RFFL: variants seen among roughly 807,000 people sequenced by gnomAD.
RFFL encodes E3 ubiquitin-protein ligase rififylin.
In RFFL, 16 loss-of-function variants were observed where a neutral mutation model predicts 40.4. The observed-to-expected ratio is 0.40, with a 90% CI of 0.27 to 0.60. The LOEUF (loss-of-function observed/expected upper bound fraction) is 0.60. RFFL is among the 20% of genes least tolerant of loss of function. The probability of loss-of-function intolerance (pLI) is 0.47; values close to 1 mark genes in which losing one functional copy is unlikely to be tolerated. For missense variants in RFFL, 367 were observed against 451.7 expected (o/e 0.81, Z 1.70); for synonymous variants, 154 against 167.9 (o/e 0.92, Z 0.64).
Position 35,007,758 on chromosome 17 carries a change from C to T in RFFL, c.*4210G>A, listed in dbSNP as rs2090905663. The stretch of plus-strand genomic sequence containing the variant: ...AACCTTTTTTTTTTTTTTAAACAGA[C>T]TCTTGCTCTGTCATTCAGGCTGGAG... On this transcript the variant is annotated 3_prime_UTR_variant, in exon 7 of 7. Coordinates refer to ENST00000394597, the MANE Select transcript of RFFL (RefSeq NM_001017368.2). 1 of 149,884 alleles carries T rather than the reference C, an allele frequency of 6.7e-6. No homozygotes were observed. The highest frequency in any genetic ancestry group is 2.1e-4 in the South Asian group (1 of 4,710). The allele number at this position is 149,884 out of a possible 1,614,324, so 9.3% of individuals were successfully genotyped here. A position where few individuals can be genotyped will look rare whatever the true frequency, so the allele number is the denominator to read the frequency against.
chr17:35,036,833 C>A (rs1373114053), intron 1 of RFFL, among the ~76,000 whole-genome samples: 1 of 152,198 alleles, frequency 6.6e-6, no homozygotes, highest in African/African-American at 2.4e-5. Context: ...AACACTTCTC[C>A]GCTTGTTCAC....
In RFFL at chr17:35,051,597, T is replaced by C. The variant is rs182150323; in HGVS notation, c.-9+11979A>G. On this transcript the variant is annotated intron_variant, in intron 1 of 6. Transcript: ENST00000394597. Reference sequence around the variant, plus strand: ...TTTCTGGATTTCCCATGCTTCGTACTGACATCTGACTTAAGCAATAAAAAC... The same window carrying C: ...TTTCTGGATTTCCCATGCTTCGTACCGACATCTGACTTAAGCAATAAAAAC... Among the ~76,000 whole-genome samples, 270 of 152,352 alleles carry C rather than the reference T, an allele frequency of 1.8e-3. 2 individuals carry two copies. The highest frequency in any genetic ancestry group is 6.3e-3 in the African/African-American group (263 of 41,574).
chr17:35,031,865 G>T (rs2091085256), intron 1 of RFFL, among the ~76,000 whole-genome samples: 1 of 152,024 alleles, frequency 6.6e-6, no homozygotes, highest in African/African-American at 2.4e-5. Flanking sequence ...GCAGGCCGAG[G>T]CAGGAGGATC....
intron 6 of RFFL, among the ~76,000 whole-genome samples, chr17:35,013,896 T>C (rs574829143): frequency 2.6e-5 from 4 of 152,196 alleles, no homozygotes; most frequent in African/African-American, 9.6e-5. Context: ...TTTTGGGGAA[T>C]TGAGAAAAGC....
intron 1 of RFFL, among the ~76,000 whole-genome samples, chr17:35,076,214 G>A (rs952694723): frequency 2.0e-5 from 3 of 151,226 alleles, no homozygotes; most frequent in Admixed American, 6.6e-5. Flanking sequence ...GGCTGGTCTC[G>A]AATTCCTGAC....
intron 1 of RFFL, among the ~76,000 whole-genome samples, chr17:35,036,951 A>G (rs1352089401): frequency 1.3e-5 from 2 of 152,228 alleles, no homozygotes; most frequent in Non-Finnish European, 2.9e-5. Flanking sequence ...AACTCCAAAG[A>G]CACCAAAAAA....
chr17:35,060,857 G>T (rs1322045454), intron 1 of RFFL, among the ~76,000 whole-genome samples: 1 of 152,028 alleles, frequency 6.6e-6, no homozygotes, highest in Non-Finnish European at 1.5e-5. Flanking sequence ...TTCAGTCAAA[G>T]AACTCAACAG....
chr17:35,083,537 T>C (rs2091413015), intron 1 of RFFL, among the ~76,000 whole-genome samples: 1 of 151,204 alleles, frequency 6.6e-6, no homozygotes, highest in African/African-American at 2.4e-5. Flanking sequence ...TCCCAACACT[T>C]TGGGAGGCCA....
rs990957412 is a variant in RFFL, at chr17:35,018,105, C to A, written c.592-499G>T. Among the ~76,000 whole-genome samples, 4 of 152,264 alleles carry A rather than the reference C, an allele frequency of 2.6e-5. No homozygotes were observed. In the East Asian group the frequency reaches 7.7e-4, roughly 29 times the overall value. ...ATACCATGTTTTCCCCTCCTTCACA[C>A]TAAATCTCCCTGGCTTCCTTATCTG... On this transcript the variant is annotated intron_variant, in intron 3 of 6. Transcript: ENST00000394597.
At chr17:35,016,190 G>A (rs566351092) in intron 5 of RFFL, among the ~76,000 whole-genome samples, 180 bp downstream of exon 5, 1 of 152,156 alleles carries the variant, frequency 6.6e-6, no homozygotes, top group Non-Finnish European at 1.5e-5. Flanking sequence ...TACATGCAAT[G>A]CCTAATCTAG....
rs367936388 is a variant in RFFL, at chr17:35,020,218, T to A, written c.591+1153A>T. On this transcript the variant is annotated intron_variant, in intron 3 of 6. Coordinates refer to ENST00000394597, the MANE Select transcript of RFFL (RefSeq NM_001017368.2). ...TGGATGTGGAAATTGGATCTTGTAG[T>A]TCCTAATTCCCCCATATTGCCCAAG... Among the ~76,000 whole-genome samples the A allele has an allele frequency of 2.0e-4, 30 of 152,226 alleles. No individual in the cohort carries two copies. The East Asian group carries it at 3.9e-3, about 20-fold the overall frequency.
At chr17:35,077,949 CT>C (rs2091385205) in intron 1 of RFFL, among the ~76,000 whole-genome samples, 1 of 152,208 alleles carries the variant, frequency 6.6e-6, no homozygotes, top group African/African-American at 2.4e-5. Flanking sequence ...GCTGGATATC[CT>C]AGTTAAGTCT....
At chr17:35,086,894 A>G (rs939963645) in intron 1 of RFFL, among the ~76,000 whole-genome samples, 3 of 152,334 alleles carry the variant, frequency 2.0e-5, no homozygotes, top group East Asian at 1.9e-4. Flanking sequence ...TTAGGTTTAC[A>G]GAGGTGTTCT....
In RFFL at chr17:35,078,940, A is replaced by G. The variant is rs573786808; in HGVS notation, c.-9+10165T>C. Among the ~76,000 whole-genome samples the G allele has an allele frequency of 8.7e-4, 132 of 151,632 alleles. 1 individual carries two copies. The highest frequency in any genetic ancestry group is 3.1e-3 in the African/African-American group (128 of 41,322). On this transcript the variant is annotated intron_variant, in intron 1 of 6. Transcript: ENST00000315249. Reference sequence around the variant, plus strand: ...GGTTGCAGTGAGCCAAGATGGCACCACTGAACTCCAGCCTGGGTGACAGAG... The same window carrying G: ...GGTTGCAGTGAGCCAAGATGGCACCGCTGAACTCCAGCCTGGGTGACAGAG...
intron 5 of RFFL, 33 bp downstream of exon 5, chr17:35,016,337 C>T: frequency 6.3e-7 from 1 of 1,590,834 alleles, no homozygotes; most frequent in Non-Finnish European, 8.6e-7. Context: ...CACTCCTGAG[C>T]TCTGTAAAGC....
rs912861012 is a variant in RFFL, at chr17:35,076,542, G to A, written c.-9+12563C>T. 1.2e-3 allele frequency among the ~76,000 whole-genome samples: 183 copies of A among 151,878 alleles called. 1 individual carries two copies. The highest frequency in any genetic ancestry group is 3.4e-3 in the Middle Eastern group (1 of 294). On this transcript the variant is annotated intron_variant, in intron 1 of 6. Coordinates refer to the RFFL transcript ENST00000315249. Reference sequence around the variant, plus strand: ...AAAAATACAAAATTAGCCGGGTGTGGTGATGCATGCCTATAATCCCAGCTA... The same window carrying A: ...AAAAATACAAAATTAGCCGGGTGTGATGATGCATGCCTATAATCCCAGCTA...
At chr17:35,087,600 T>C (rs1394632629) in intron 1 of RFFL, among the ~76,000 whole-genome samples, 1 of 152,202 alleles carries the variant, frequency 6.6e-6, no homozygotes, top group Non-Finnish European at 1.5e-5. Flanking sequence ...GGCTGGTCTT[T>C]GTAATTAGAC....
At chr17:35,048,082 G>T (rs1306810619) in intron 1 of RFFL, among the ~76,000 whole-genome samples, 2 of 152,072 alleles carry the variant, frequency 1.3e-5, no homozygotes, top group Admixed American at 1.3e-4. Context: ...ACGTTTATCA[G>T]TTCTATTCCT....
Position 35,007,670 on chromosome 17 carries a change from C to T in RFFL, c.*4298G>A, listed in dbSNP as rs1314859638. 1 of 152,174 alleles carries T rather than the reference C, an allele frequency of 6.6e-6. No homozygotes were observed. Among genetic ancestry groups the T allele is most frequent in the Non-Finnish European group, 1.5e-5 (1 of 68,080 alleles). 9.4% of individuals were successfully genotyped at this position (152,174 alleles called of 1,614,324 possible). On this transcript the variant is annotated 3_prime_UTR_variant, in exon 7 of 7. Coordinates refer to ENST00000394597, the MANE Select transcript of RFFL (RefSeq NM_001017368.2). ...AGTAGTCTTTTCCCTGCTCCTTGGG[C>T]GCCTGGTCAGGGAGGTTTGTACAAG...
Sources: allele counts gnomAD v4.1 joint callset (sites outside exome capture counted in the v4.1 genomes callset), GRCh38; gene constraint gnomAD v4.1.1; transcripts MANE v1.5; gene names NCBI Gene and HGNC (gene_info 2026-07-23, HGNC 2026-07-21).